Variants in LCOR observed in about 807,000 individuals in gnomAD.
LCOR encodes ligand-dependent corepressor.
Under a neutral mutation model 64.4 loss-of-function variants are expected in LCOR, and 14 were observed. The ratio of observed to expected loss-of-function variants is 0.22; its 90% CI spans 0.14 to 0.34. The LOEUF is 0.34. Among genes scored for constraint, LCOR ranks in the 10% least tolerant of loss-of-function variants. The pLI is 1.00. For missense variants in LCOR, 1,686 were observed against 1,765.3 expected (o/e 0.96, Z 0.80); for synonymous variants, 643 against 642.5 (o/e 1.00, Z -0.01).
intron 7 of LCOR, among the ~76,000 whole-genome samples, chr10:96,965,841 G>A (rs927956154): frequency 1.3e-5 from 2 of 152,104 alleles, no homozygotes; most frequent in South Asian, 4.2e-4. Flanking sequence ...TTATTTTGCT[G>A]TAAGTTCCAA....
At chr10:96,967,311 A>C (rs1271423089) in intron 7 of LCOR, among the ~76,000 whole-genome samples, 2 of 152,020 alleles carry the variant, frequency 1.3e-5, no homozygotes, top group Admixed American at 6.5e-5. Context: ...TTGTATTTTC[A>C]TTAGCGTTGG....
chr10:96,911,279 G>A (rs1035168498), intron 4 of LCOR, among the ~76,000 whole-genome samples: 7 of 151,866 alleles, frequency 4.6e-5, no homozygotes, highest in Admixed American at 1.3e-4. Context: ...TGTATTTTTA[G>A]TAGAGACAGG....
chr10:96,871,640 GTCTTGAAC>G (rs1846074257), intron 2 of LCOR, among the ~76,000 whole-genome samples: 1 of 151,350 alleles, frequency 6.6e-6, no homozygotes, highest in Non-Finnish European at 1.5e-5. Flanking sequence ...GCTCAGGCTA[GTCTTGAAC>G]TCTTGAGCTC....
intron 2 of LCOR, among the ~76,000 whole-genome samples, chr10:96,887,129 G>A (rs947191094): frequency 6.6e-6 from 1 of 152,162 alleles, no homozygotes; most frequent in African/African-American, 2.4e-5. Flanking sequence ...TGATATGGAA[G>A]GAGTGATGAT....
At position 96,945,463 on chromosome 10, in the gene LCOR, C is replaced by G. The variant is rs550405416; in HGVS notation, c.-51+1218C>G. On this transcript the variant is annotated intron_variant, in intron 5 of 7. Coordinates refer to ENST00000421806, the MANE Select transcript of LCOR (RefSeq NM_001346516.2). ...TAAATTGTTTAGTACATCCTTAATT[C>G]TCTGTAAACACCCACTAGCACCTCC... Among the ~76,000 whole-genome samples the G allele has an allele frequency of 2.0e-5, 3 of 152,204 alleles. No individual in the cohort carries two copies. In the East Asian group the frequency reaches 5.8e-4, roughly 29 times the overall value.
chr10:96,883,040 T>TTTG (rs988049157), intron 2 of LCOR, among the ~76,000 whole-genome samples: 4 of 152,102 alleles, frequency 2.6e-5, no homozygotes, highest in South Asian at 2.1e-4. Context: ...AGGTTTTTCT[T>TTTG]TTGTTGTTGT....
At chr10:96,865,214 ATGTACT>A (rs1412952686) in intron 2 of LCOR, among the ~76,000 whole-genome samples, 1 of 152,104 alleles carries the variant, frequency 6.6e-6, no homozygotes, top group Non-Finnish European at 1.5e-5. Flanking sequence ...TCACCATTTG[ATGTACT>A]TAAACATGCC....
chr10:96,941,192 A>AT (rs1847460801), intron 4 of LCOR, among the ~76,000 whole-genome samples: 11 of 81,598 alleles, frequency 1.3e-4, no homozygotes, highest in African/African-American at 5.6e-4. Flanking sequence ...CGGGGGGCTG[A>AT]CCCCCCCACC....
At chr10:96,952,347 G>T in intron 7 of LCOR, 151 bp downstream of exon 7, 2 of 584,400 alleles carry the variant, frequency 3.4e-6, no homozygotes, top group South Asian at 2.3e-5. Flanking sequence ...TATAATCTGT[G>T]CAATGTAAAA....
intron 2 of LCOR, among the ~76,000 whole-genome samples, chr10:96,894,839 T>C (rs1846510163): frequency 6.6e-6 from 1 of 152,182 alleles, no homozygotes; most frequent in Non-Finnish European, 1.5e-5. Context: ...TTGGAGTGGG[T>C]TAAGATATGT....
intron 2 of LCOR, among the ~76,000 whole-genome samples, chr10:96,876,854 C>T (rs540729869): frequency 3.3e-5 from 5 of 152,160 alleles, no homozygotes; most frequent in Admixed American, 2.0e-4. Flanking sequence ...TCACCACACC[C>T]GGCTAATTTC....
intron 2 of LCOR, among the ~76,000 whole-genome samples, chr10:96,867,560 A>G (rs768595109): frequency 1.3e-4 from 20 of 152,124 alleles, no homozygotes; most frequent in Non-Finnish European, 2.4e-4. Flanking sequence ...TCATACCACT[A>G]CATTCCAGCC....
intron 7 of LCOR, chr10:96,958,739 G>T: frequency 3.2e-6 from 1 of 311,102 alleles, no homozygotes; most frequent in Non-Finnish European, 6.0e-6. Context: ...TTCCTCCAAA[G>T]GTCTCTCTCT....
chr10:96,842,442 A>G (rs868228434), intron 2 of LCOR, among the ~76,000 whole-genome samples: 2 of 152,128 alleles, frequency 1.3e-5, no homozygotes, highest in African/African-American at 2.4e-5. Flanking sequence ...AAAGGGATCT[A>G]TAGAATGTAT....
intron 4 of LCOR, among the ~76,000 whole-genome samples, chr10:96,916,445 A>G (rs576498525): frequency 1.4e-4 from 21 of 152,172 alleles, no homozygotes; most frequent in South Asian, 4.1e-4. Flanking sequence ...AACCTGCTCA[A>G]TGTGACTTGC....
chr10:96,898,955 C>T (rs1370282706), intron 2 of LCOR, among the ~76,000 whole-genome samples: 1 of 152,070 alleles, frequency 6.6e-6, no homozygotes, highest in Admixed American at 6.5e-5. Flanking sequence ...TGGGAGGAAT[C>T]TTTCTGAAGT....
At chr10:96,842,823 G>T (rs1254028027) in intron 2 of LCOR, among the ~76,000 whole-genome samples, 1 of 151,738 alleles carries the variant, frequency 6.6e-6, no homozygotes, top group Non-Finnish European at 1.5e-5. Context: ...GTAGAGAGGG[G>T]TTTTACCATG....
chr10:96,967,610 CAA>C (rs1247674978), intron 7 of LCOR, among the ~76,000 whole-genome samples: 1 of 152,028 alleles, frequency 6.6e-6, no homozygotes, highest in East Asian at 1.9e-4. Flanking sequence ...GACAAATACA[CAA>C]ATCGTATCTG....
chr10:96,883,540 A>T (rs1846296743), intron 2 of LCOR, among the ~76,000 whole-genome samples: 1 of 152,156 alleles, frequency 6.6e-6, no homozygotes, highest in South Asian at 2.1e-4. Flanking sequence ...GATTTTGGCC[A>T]TCTGATAGTT....
Sources: gnomAD v4.1 joint callset for allele counts (sites outside exome capture counted in the v4.1 genomes callset) on GRCh38, gnomAD v4.1.1 for gene constraint, MANE v1.5 for transcripts, NCBI Gene and HGNC (gene_info 2026-07-23, HGNC 2026-07-21) for gene names.